Variants in IGDCC3 observed in about 807,000 individuals in gnomAD.
IGDCC3 encodes the protein immunoglobulin superfamily DCC subclass member 3, also known as putative neuronal cell adhesion molecule.
IGDCC3 carries 47 observed loss-of-function variants against 72.0 expected under a neutral mutation model. The ratio of observed to expected loss-of-function variants is 0.65; its 90% CI spans 0.52 to 0.83. The LOEUF is 0.83. Among genes scored for constraint, IGDCC3 ranks in the 40% least tolerant of loss-of-function variants. The pLI is 0.00. For synonymous variants in IGDCC3, 477 were observed against 472.8 expected (o/e 1.01, Z -0.11); for missense variants, 1,038 against 1,091.3 (o/e 0.95, Z 0.69).
chr15:65,354,241 G>A (rs554774294), intron 2 of IGDCC3, among the ~76,000 whole-genome samples: 185 of 152,210 alleles, frequency 1.2e-3, no homozygotes, highest in African/African-American at 4.2e-3. Flanking sequence ...TTTGCACTGC[G>A]GACTCGCCCT....
rs869239198 is a variant in IGDCC3 at position 65,362,846 on chromosome 15, A to ATTT, written c.409+12248_409+12250dup. Among the ~76,000 whole-genome samples the ATTT allele has an allele frequency of 3.6e-4, 31 of 85,732 alleles. 1 individual carries two copies. Among genetic ancestry groups the ATTT allele is most frequent in the East Asian group, 1.0e-3 (3 of 2,930 alleles). 56.2% of individuals were successfully genotyped at this position (85,732 alleles called of 152,430 possible). Reference sequence around the variant, plus strand: ...GTTTTATTACCAGCGAGGTTTGGGGATTTTTTTTTTTTTTTTTTTTTTTTT... The same window carrying ATTT: ...GTTTTATTACCAGCGAGGTTTGGGGATTTTTTTTTTTTTTTTTTTTTTTTTTTT... On this transcript the variant is annotated intron_variant, in intron 2 of 13. Transcript: ENST00000327987.
intron 2 of IGDCC3, among the ~76,000 whole-genome samples, chr15:65,337,710 C>T (rs2091043845): frequency 6.6e-6 from 1 of 152,138 alleles, no homozygotes; most frequent in South Asian, 2.1e-4. Flanking sequence ...CCTCCACCTC[C>T]AGGAAGGCAA....
At chr15:65,362,526 C>T (rs541717079) in intron 2 of IGDCC3, among the ~76,000 whole-genome samples, 2 of 145,214 alleles carry the variant, frequency 1.4e-5, no homozygotes, top group South Asian at 4.7e-4. Context: ...TCACACGAAG[C>T]CTGAACAAAA....
chr15:65,333,908 A>T (rs1302486922), intron 5 of IGDCC3, among the ~76,000 whole-genome samples: 5 of 152,166 alleles, frequency 3.3e-5, no homozygotes, highest in Non-Finnish European at 7.4e-5. Context: ...ATGTTGGACC[A>T]GATGGTCCCT....
intron 2 of IGDCC3, among the ~76,000 whole-genome samples, chr15:65,337,176 GC>G (rs2091037465): frequency 6.6e-6 from 1 of 152,232 alleles, no homozygotes; most frequent in African/African-American, 2.4e-5. Context: ...GAGCCTTTGT[GC>G]CCTTCCACCC....
In IGDCC3 at chr15:65,329,273, C is replaced by G; in HGVS notation, c.2205+117G>C. 1.3e-6 allele frequency: 2 copies of G among 1,484,256 alleles called. No individual in the cohort carries two copies. Among genetic ancestry groups the G allele is most frequent in the Non-Finnish European group, 9.0e-7 (1 of 1,105,712 alleles). The allele number at this position is 1,484,256 out of a possible 1,614,324, so 91.9% of individuals were successfully genotyped here. On this transcript the variant is annotated intron_variant, in intron 13 of 13. Transcript: ENST00000327987. The surrounding 1 kb of genome is among the most constrained non-coding windows in gnomAD (Gnocchi z 4.1). ...TGACTCAGGGACACAAAGAGAAGAC[C>G]TGCAGTTTGACTAAGGCCAATGATC...
At chr15:65,371,124 G>A (rs1451220704) in intron 2 of IGDCC3, among the ~76,000 whole-genome samples, 1 of 152,226 alleles carries the variant, frequency 6.6e-6, no homozygotes, top group Non-Finnish European at 1.5e-5. Flanking sequence ...GGCTCTTGGA[G>A]AACCCAGCCA....
intron 5 of IGDCC3, 33 bp downstream of exon 5, chr15:65,334,695 G>A: frequency 6.6e-7 from 1 of 1,516,830 alleles, no homozygotes; most frequent in Non-Finnish European, 8.8e-7. Context: ...GGGACAGGCT[G>A]GGAGGGGCAG....
rs2091366124 is a variant in IGDCC3 at position 65,377,510 on chromosome 15, A to G, written c.103+176T>C. Among the ~76,000 whole-genome samples the G allele has an allele frequency of 6.6e-6, 1 of 151,932 alleles. No homozygotes were observed. The highest frequency in any genetic ancestry group is 1.5e-5 in the Non-Finnish European group (1 of 67,952). On this transcript the variant is annotated intron_variant, in intron 1 of 13. Coordinates refer to ENST00000327987, the MANE Select transcript of IGDCC3 (RefSeq NM_004884.4). The surrounding 1 kb of genome is among the most constrained non-coding windows in gnomAD (Gnocchi z 4.9). The stretch of plus-strand genomic sequence containing the variant: ...TCCTCAACACGCCCCTAGGGCCCCC[A>G]GCAGTCCGGCCTTGGTACCCTCTCC...
chr15:65,346,810 C>T (rs537918629), intron 2 of IGDCC3, among the ~76,000 whole-genome samples: 2 of 152,100 alleles, frequency 1.3e-5, no homozygotes, highest in Non-Finnish European at 2.9e-5. Flanking sequence ...AGGGCAAAGC[C>T]CCTCTTTGAG....
chr15:65,353,201 TTTCCTTCCTTCC>T (rs915798699), intron 2 of IGDCC3, among the ~76,000 whole-genome samples: 1 of 151,736 alleles, frequency 6.6e-6, no homozygotes, highest in Non-Finnish European at 1.5e-5. Context: ...TTTTTTTTTT[TTTCCTTCCTTCC>T]TTCCTTCCTT....
chr15:65,327,374 C>G lies in IGDCC3; in HGVS notation c.*1535G>C, dbSNP rs2090927610. 6.6e-6 allele frequency: 1 copy of G among 152,192 alleles called. No homozygotes were observed. The highest frequency in any genetic ancestry group is 2.4e-5 in the African/African-American group (1 of 41,426). 9.4% of individuals were successfully genotyped at this position (152,192 alleles called of 1,614,324 possible). ...ACCCTTCCCCAAGTCCACGCGGACA[C>G]AGCTCTAGTTTTCTAGGAAAACACC... On this transcript the variant is annotated 3_prime_UTR_variant, in exon 14 of 14. Transcript: ENST00000327987.
In IGDCC3 at chr15:65,343,982, C is replaced by A. The variant is rs528884927; in HGVS notation, c.410-8026G>T. Among the ~76,000 whole-genome samples, 15 of 152,284 alleles carry A rather than the reference C, an allele frequency of 9.9e-5. 1 individual carries two copies. Among genetic ancestry groups the A allele is most frequent in the Middle Eastern group, 3.4e-3 (1 of 294 alleles). On this transcript the variant is annotated intron_variant, in intron 2 of 13. Coordinates refer to ENST00000327987, the MANE Select transcript of IGDCC3 (RefSeq NM_004884.4). ...CCCAGGTACCCATCATCTGGATCCC[C>A]ACTTAGCCCCTGACTTTGGCTCTGC...
chr15:65,342,630 G>A (rs746707041), intron 2 of IGDCC3, among the ~76,000 whole-genome samples: 9 of 151,964 alleles, frequency 5.9e-5, no homozygotes, highest in African/African-American at 1.7e-4. Flanking sequence ...CTCTCTGGCC[G>A]TCCCTCCAGA....
intron 2 of IGDCC3, among the ~76,000 whole-genome samples, chr15:65,345,580 G>A (rs922900218): frequency 2.5e-4 from 37 of 145,662 alleles, no homozygotes; most frequent in Admixed American, 1.1e-3. Flanking sequence ...ACACACACAC[G>A]CACACACACG....
At chr15:65,359,254 C>A (rs977353257) in intron 2 of IGDCC3, among the ~76,000 whole-genome samples, 1 of 151,910 alleles carries the variant, frequency 6.6e-6, no homozygotes, top group African/African-American at 2.4e-5. Context: ...CTTTTTTTCC[C>A]CCATTTCCAC....
At chr15:65,356,634 C>A (rs944902840) in intron 2 of IGDCC3, among the ~76,000 whole-genome samples, 1 of 135,152 alleles carries the variant, frequency 7.4e-6, no homozygotes, top group African/African-American at 2.8e-5. Flanking sequence ...CTTTGTGCTA[C>A]GTCAGGCTGC....
chr15:65,354,540 T>G (rs1184393415), intron 2 of IGDCC3, among the ~76,000 whole-genome samples: 1 of 152,192 alleles, frequency 6.6e-6, no homozygotes, highest in East Asian at 1.9e-4. Flanking sequence ...TAGAGTTGGC[T>G]GTTGATGCGT....
rs897816209 is a variant in IGDCC3, at chr15:65,329,246, C to T, written c.2206-98G>A. 3 of 1,499,632 alleles carry T rather than the reference C, an allele frequency of 2.0e-6. No homozygotes were observed. The highest frequency in any genetic ancestry group is 1.4e-5 in the African/African-American group (1 of 71,418). The allele number at this position is 1,499,632 out of a possible 1,614,324, so 92.9% of individuals were successfully genotyped here. ...GCCTTAGGGTCTCCAGGTCTCCCTG[C>T]CTGACTCAGGGACACAAAGAGAAGA... On this transcript the variant is annotated intron_variant, in intron 13 of 13. Coordinates refer to ENST00000327987, the MANE Select transcript of IGDCC3 (RefSeq NM_004884.4). This position sits in a 1 kb window ranked among gnomAD's most constrained non-coding sequence, Gnocchi z 4.1.
Sources: gnomAD v4.1 joint callset for allele counts (sites outside exome capture counted in the v4.1 genomes callset) on GRCh38, gnomAD v4.1.1 for gene constraint, Gnocchi (gnomAD v3.1) non-coding constraint, MANE v1.5 for transcripts, NCBI Gene and HGNC (gene_info 2026-07-23, HGNC 2026-07-21) for gene names.